RPS6KA2: variants seen among roughly 807,000 people sequenced by gnomAD.
RPS6KA2 encodes ribosomal protein S6 kinase A2, also known as ribosomal protein S6 kinase alpha-2.
RPS6KA2 carries 42 observed loss-of-function variants against 91.8 expected under a neutral mutation model. The observed-to-expected ratio is 0.46, with a 90% CI of 0.36 to 0.59. The LOEUF is 0.59. Ranked by LOEUF, RPS6KA2 falls within the 20% of genes least tolerant of loss-of-function variation. RPS6KA2 has a pLI of 0.00. For missense variants in RPS6KA2, 798 were observed against 978.5 expected (o/e 0.82, Z 2.46); for synonymous variants, 414 against 393.6 (o/e 1.05, Z -0.61).
chr6:166,846,871 A>G (rs186413497), intron 2 of RPS6KA2, among the ~76,000 whole-genome samples: 158 of 152,294 alleles, frequency 1.0e-3, no homozygotes, highest in Non-Finnish European at 2.1e-3. Flanking sequence ...ACAATCACAC[A>G]AGAGAAAGAA....
At chr6:166,537,375 T>C (rs1181142738) in intron 2 of RPS6KA2, among the ~76,000 whole-genome samples, 3 of 152,286 alleles carry the variant, frequency 2.0e-5, no homozygotes, top group Non-Finnish European at 4.4e-5. Context: ...CTCTGCCTTC[T>C]GTGATTTTGT....
At chr6:166,785,029 T>C (rs1778893110) in intron 2 of RPS6KA2, among the ~76,000 whole-genome samples, 2 of 152,214 alleles carry the variant, frequency 1.3e-5, no homozygotes, top group African/African-American at 4.8e-5. Flanking sequence ...AGGTTGTAGC[T>C]ATTGGTCACT....
intron 2 of RPS6KA2, among the ~76,000 whole-genome samples, chr6:166,831,084 CA>C: frequency 6.6e-6 from 1 of 152,090 alleles, no homozygotes; most frequent in East Asian, 1.9e-4. Flanking sequence ...CCTCCAGTGG[CA>C]GGGGGTATTG....
chr6:166,490,812 G>A lies in RPS6KA2; in HGVS notation c.748-71C>T, dbSNP rs1781563710. Reference sequence around the variant, plus strand: ...CCCGGCTTCACGGCAGAGTACCCCAGCAGGGCAGCCTGCTACCGTGTCCAT... The same window carrying A: ...CCCGGCTTCACGGCAGAGTACCCCAACAGGGCAGCCTGCTACCGTGTCCAT... On this transcript the variant is annotated intron_variant, in intron 8 of 20. Transcript: ENST00000265678. The surrounding 1 kb of genome is among the most constrained non-coding windows in gnomAD (Gnocchi z 4.2). The A allele has an allele frequency of 1.7e-6, 2 of 1,169,560 alleles. No individual in the cohort carries two copies. Among genetic ancestry groups the A allele is most frequent in the South Asian group, 1.3e-5 (1 of 77,758 alleles). 72.4% of individuals were successfully genotyped at this position (1,169,560 alleles called of 1,614,324 possible).
intron 1 of RPS6KA2, among the ~76,000 whole-genome samples, chr6:166,614,060 C>T (rs539059875): frequency 6.6e-6 from 1 of 152,224 alleles, no homozygotes; most frequent in Admixed American, 6.5e-5. Flanking sequence ...ACATCTCCCC[C>T]AGAAACTCTG....
At chr6:166,819,510 C>T (rs1399301575) in intron 2 of RPS6KA2, among the ~76,000 whole-genome samples, 6 of 152,124 alleles carry the variant, frequency 3.9e-5, no homozygotes, top group African/African-American at 9.7e-5. Flanking sequence ...TTTTGCATCC[C>T]GCAAGTACCG....
intron 2 of RPS6KA2, among the ~76,000 whole-genome samples, chr6:166,824,580 CTGTGTG>C (rs373634779): frequency 8.1e-5 from 12 of 149,044 alleles, no homozygotes; most frequent in African/African-American, 2.7e-4. Context: ...GTGTCTGTGT[CTGTGTG>C]TGTGTGTCTG....
intron 7 of RPS6KA2, among the ~76,000 whole-genome samples, chr6:166,499,832 G>GAGAACAGACTAATACAGGGACTTTC (rs1781958764): frequency 8.1e-6 from 1 of 123,828 alleles, no homozygotes; most frequent in South Asian, 2.7e-4. Flanking sequence ...CAGGGACTTT[G>GAGAACAGACTAATACAGGGACTTTC]AGAACAGACT....
chr6:166,422,699 G>C (rs956380138), intron 17 of RPS6KA2, among the ~76,000 whole-genome samples: 1 of 152,170 alleles, frequency 6.6e-6, no homozygotes, highest in East Asian at 1.9e-4. Flanking sequence ...TAGCTGCTCC[G>C]AGCGGGGCTG....
chr6:166,782,766 C>A (rs931613895), intron 2 of RPS6KA2, among the ~76,000 whole-genome samples: 3 of 152,128 alleles, frequency 2.0e-5, no homozygotes, highest in African/African-American at 7.2e-5. Flanking sequence ...CAGCTCAGCC[C>A]GGATGCAACA....
intron 2 of RPS6KA2, among the ~76,000 whole-genome samples, chr6:166,759,195 G>A (rs1269012904): frequency 3.3e-5 from 5 of 152,074 alleles, no homozygotes; most frequent in African/African-American, 1.2e-4. Flanking sequence ...ACTTTCTAAG[G>A]GATCATTTTT....
At chr6:166,597,814 C>T (rs1426969562) in intron 1 of RPS6KA2, among the ~76,000 whole-genome samples, 3 of 152,058 alleles carry the variant, frequency 2.0e-5, no homozygotes, top group Non-Finnish European at 4.4e-5. Context: ...AACAGATTTC[C>T]GGAGTCCACG....
chr6:166,553,507 A>G (rs1416878702), intron 1 of RPS6KA2, among the ~76,000 whole-genome samples: 1 of 141,464 alleles, frequency 7.1e-6, no homozygotes, highest in Non-Finnish European at 1.5e-5. Flanking sequence ...AAGAAACAGG[A>G]GTCATTTAAA....
rs1056093364 is a variant in RPS6KA2 at position 166,434,278 on chromosome 6, G to A, written c.1333-1788C>T. ...TGATCTGTGAGTCCTAATAGCCTGC[G>A]TTGTAAACAGGCAGAAGAGTTAGGG... is the stretch of plus-strand genomic sequence containing the variant. On this transcript the variant is annotated intron_variant, in intron 14 of 20. Coordinates refer to ENST00000265678, the MANE Select transcript of RPS6KA2 (RefSeq NM_021135.6). The surrounding 1 kb of genome is among the most constrained non-coding windows in gnomAD (Gnocchi z 4.4). 6.6e-6 allele frequency among the ~76,000 whole-genome samples: 1 copy of A among 152,196 alleles called. No individual in the cohort carries two copies. Among genetic ancestry groups the A allele is most frequent in the Non-Finnish European group, 1.5e-5 (1 of 68,038 alleles).
intron 1 of RPS6KA2, among the ~76,000 whole-genome samples, chr6:166,616,956 T>C (rs1214803983): frequency 6.6e-6 from 1 of 152,104 alleles, no homozygotes; most frequent in East Asian, 1.9e-4. Flanking sequence ...CAAATGAATG[T>C]GGGAGAAAGA....
intron 2 of RPS6KA2, among the ~76,000 whole-genome samples, chr6:166,747,815 C>A (rs1791068652): frequency 6.6e-6 from 1 of 152,214 alleles, no homozygotes; most frequent in Admixed American, 6.5e-5. Flanking sequence ...TGCTTCCTTT[C>A]CAATGCAAAC....
chr6:166,757,980 G>A (rs16899403), intron 2 of RPS6KA2: 3,823 of 185,020 alleles, frequency 0.021, 165 homozygotes, highest in African/African-American at 0.087. Flanking sequence ...AAGCAGAAGC[G>A]TCACTTAGAG....
chr6:166,744,717 G>A (rs903721139), intron 2 of RPS6KA2, among the ~76,000 whole-genome samples: 2 of 152,180 alleles, frequency 1.3e-5, no homozygotes, highest in African/African-American at 4.8e-5. Flanking sequence ...GACACCTGGG[G>A]GCATGCAGGC....
At chr6:166,748,554 C>T (rs1377187540) in intron 2 of RPS6KA2, among the ~76,000 whole-genome samples, 2 of 96,858 alleles carry the variant, frequency 2.1e-5, no homozygotes, top group Non-Finnish European at 4.2e-5. Flanking sequence ...CCCCTTGGGC[C>T]CCCACCTCCT....
Sources: gnomAD v4.1 joint callset for allele counts (sites outside exome capture counted in the v4.1 genomes callset) on GRCh38, gnomAD v4.1.1 for gene constraint, Gnocchi (gnomAD v3.1) non-coding constraint, MANE v1.5 for transcripts, NCBI Gene and HGNC (gene_info 2026-07-23, HGNC 2026-07-21) for gene names.